Variants in HROB observed in about 807,000 individuals in gnomAD.
HROB encodes the protein homologous recombination OB-fold protein.
Under a neutral mutation model 61.0 loss-of-function variants are expected in HROB, and 44 were observed. The observed-to-expected ratio is 0.72, with a 90% CI of 0.57 to 0.93. The LOEUF is 0.93. Ranked by LOEUF, HROB falls within the 40% of genes least tolerant of loss-of-function variation. HROB has a pLI of 0.00. For synonymous variants in HROB, 301 were observed against 310.4 expected, an observed-to-expected ratio of 0.97 and a Z score of 0.32; for missense variants, 716 against 796.2, an observed-to-expected ratio of 0.90 and a Z score of 1.21.
At chr17:44,158,731 C>T (rs182522948) in intron 9 of HROB, among the ~76,000 whole-genome samples, 83 of 151,946 alleles carry the variant, frequency 5.5e-4, no homozygotes, top group Admixed American at 1.9e-3. Context: ...CTGCAAGCTC[C>T]GCCTCCCGGG....
At position 44,155,409 on chromosome 17, in the gene HROB, A is replaced by G; in HGVS notation, c.1768A>G (p.Lys590Glu). Residue 590 changes from lysine (K) to glutamate (E), a missense_variant and splice_region_variant, in exon 8 of 10, where the codon AAG (lysine) becomes GAG (glutamate). By Grantham distance (56) the Lys-to-Glu change is moderately conservative. Transcript: ENST00000585683. ...SFLKPSQPFP[K>E]DSGSFQHDVA... The stretch of plus-strand genomic sequence containing the variant: ...CCTCAAGCCATCTCAGCCCTTCCCC[A>G]AGGTAAGAGGAGCAGGAAGAAACGG... 6.2e-7 allele frequency: 1 copy of G among 1,613,992 alleles called. No individual in the cohort carries two copies. Among genetic ancestry groups the G allele is most frequent in the Middle Eastern group, 1.6e-4 (1 of 6,062 alleles).
rs1216451311 is a variant in HROB at position 44,148,472 on chromosome 17, G to A, written c.669G>A (p.Met223Ile). Residue 223 changes from methionine to isoleucine, a missense_variant, in exon 3 of 10, where the codon ATG (methionine) becomes ATA (isoleucine). Coordinates refer to ENST00000585683, the MANE Select transcript of HROB (RefSeq NM_001171251.3). ...CTGCCATCCACAAAGCGGGTATCAT[G>A]TCCGCCCAGGATGAGTCTCTAGATC... ...PVPAIHKAGI[M>I]SAQDESLDPV... is the part of the protein sequence containing the mutation. 5 of 1,614,146 alleles carry A rather than the reference G, an allele frequency of 3.1e-6. No individual in the cohort carries two copies. In the African/African-American group the frequency reaches 4.0e-5, roughly 13 times the overall value.
intron 1 of HROB, 81 bp downstream of exon 1, chr17:44,142,226 C>A: frequency 7.2e-7 from 1 of 1,381,168 alleles, no homozygotes; most frequent in Admixed American, 3.3e-5. Flanking sequence ...TCCAGCCCCT[C>A]GCCCGCGCAA....
At chr17:44,142,214 G>T in intron 1 of HROB, 69 bp downstream of exon 1, 2 of 1,405,062 alleles carry the variant, frequency 1.4e-6, no homozygotes, top group South Asian at 3.0e-5. Flanking sequence ...TGCTCATGGG[G>T]TTCCAGCCCC....
chr17:44,154,827 A>G, intron 6 of HROB, 26 bp from the exon 7 acceptor site: 1 of 1,613,458 alleles, frequency 6.2e-7, no homozygotes, highest in Non-Finnish European at 8.5e-7. Flanking sequence ...TGACCCCGAG[A>G]CTGATGGGCC....
rs1370781143 is a variant in HROB, at chr17:44,162,003, G to A, written c.*71G>A. ...GCATGTGTCTGGTCACATCCAAGGG[G>A]GAGAAGAAGGCCAGCATGATTGGAG... On this transcript the variant is annotated 3_prime_UTR_variant, in exon 10 of 10. Coordinates refer to ENST00000585683, the MANE Select transcript of HROB (RefSeq NM_001171251.3). 3.3e-5 allele frequency: 50 copies of A among 1,510,034 alleles called. No individual in the cohort carries two copies. The highest frequency in any genetic ancestry group is 4.2e-5 in the Non-Finnish European group (46 of 1,089,380). 93.5% of individuals were successfully genotyped at this position (1,510,034 alleles called of 1,614,324 possible).
intron 9 of HROB, among the ~76,000 whole-genome samples, chr17:44,159,279 A>G (rs2054061501): frequency 6.6e-6 from 1 of 152,216 alleles, no homozygotes; most frequent in African/African-American, 2.4e-5. Context: ...ATGATTATAT[A>G]TGGATATTAC....
At chr17:44,154,453 T>C (rs780221485) in intron 5 of HROB, 103 bp from the exon 6 acceptor site, 20 of 1,023,894 alleles carry the variant, frequency 2.0e-5, no homozygotes, top group Non-Finnish European at 2.9e-5. Flanking sequence ...ACTATAACTA[T>C]ACTCTGACCC....
Position 44,155,307 on chromosome 17 carries a change from C to G in HROB, c.1666C>G (p.Leu556Val). ...CCAGATTGGAGTGTTTTCTCCTTCA[C>G]TTCGAAATCACTACCTCAACGTGAC... ...LKQIGVFSPS[L>V]RNHYLNVTPN... Residue 556 changes from leucine (L) to valine (V), a missense_variant, in exon 8 of 10, where the codon CTT becomes GTT. Coordinates refer to ENST00000585683, the MANE Select transcript of HROB (RefSeq NM_001171251.3). 6.2e-7 allele frequency: 1 copy of G among 1,614,190 alleles called. No individual in the cohort carries two copies. The highest frequency in any genetic ancestry group is 8.5e-7 in the Non-Finnish European group (1 of 1,180,038).
At chr17:44,151,203 A>G (rs1294285169) in intron 4 of HROB, among the ~76,000 whole-genome samples, 159 bp downstream of exon 4, 3 of 152,122 alleles carry the variant, frequency 2.0e-5, no homozygotes, top group Non-Finnish European at 1.5e-5. Flanking sequence ...GGAGGCAGCA[A>G]TTTTACTGGC....
intron 2 of HROB, among the ~76,000 whole-genome samples, chr17:44,147,048 T>A (rs72822667): frequency 0.031 from 4,691 of 149,276 alleles, 111 homozygotes; most frequent in East Asian, 0.068. Context: ...TGTGTGTGTG[T>A]GAGAGAGAGA....
chr17:44,144,105 G>A (rs1251982176), intron 1 of HROB, among the ~76,000 whole-genome samples: 1 of 149,496 alleles, frequency 6.7e-6, no homozygotes, highest in East Asian at 2.0e-4. Flanking sequence ...AGCCTTCCAA[G>A]TAGCTGAGAT....
intron 3 of HROB, 98 bp from the exon 4 acceptor site, chr17:44,150,863 T>C (rs2053781200): frequency 3.0e-6 from 3 of 1,006,260 alleles, no homozygotes; most frequent in Non-Finnish European, 4.6e-6. Flanking sequence ...TAGTCCCTGA[T>C]CATTTCCTGA....
At chr17:44,155,148 A>G in intron 7 of HROB, 138 bp from the exon 8 acceptor site, 1 of 1,380,886 alleles carries the variant, frequency 7.2e-7, no homozygotes, top group African/African-American at 1.4e-5. Flanking sequence ...TGTTAAGGGG[A>G]GATTGTGGCA....
chr17:44,148,500 G>T lies in HROB; in HGVS notation c.697G>T (p.Val233Phe), dbSNP rs575989228. The change falls in exon 3 of 10, where the codon GTC becomes TTC. Residue 233 changes from valine to phenylalanine, a missense_variant. Coordinates refer to ENST00000585683, the MANE Select transcript of HROB (RefSeq NM_001171251.3). ...CGCCCAGGATGAGTCTCTAGATCCT[G>T]TCATCCAATGTAGGACTCCACGACC... is the stretch of plus-strand genomic sequence containing the variant. ...MSAQDESLDP[V>F]IQCRTPRPPL... 2.1e-5 allele frequency: 34 copies of T among 1,614,120 alleles called. No individual in the cohort carries two copies. In the Admixed American group the frequency reaches 2.8e-4, roughly 13 times the overall value.
rs2054156889 is a variant in HROB at position 44,162,019 on chromosome 17, A to G, written c.*87A>G. 1.7e-5 allele frequency: 25 copies of G among 1,456,822 alleles called. No individual in the cohort carries two copies. The highest frequency in any genetic ancestry group is 2.4e-5 in the Non-Finnish European group (25 of 1,045,774). 90.2% of individuals were successfully genotyped at this position (1,456,822 alleles called of 1,614,324 possible). ...ATCCAAGGGGGAGAAGAAGGCCAGCATGATTGGAGAGTGGACACAGCCGGG... is the reference window on the plus strand; with the variant it reads ...ATCCAAGGGGGAGAAGAAGGCCAGCGTGATTGGAGAGTGGACACAGCCGGG... On this transcript the variant is annotated 3_prime_UTR_variant, in exon 10 of 10. Coordinates refer to ENST00000585683, the MANE Select transcript of HROB (RefSeq NM_001171251.3).
At chr17:44,159,752 C>T (rs1301391279) in intron 9 of HROB, among the ~76,000 whole-genome samples, 2 of 152,220 alleles carry the variant, frequency 1.3e-5, no homozygotes, top group African/African-American at 4.8e-5. Context: ...TTTTTCTGTG[C>T]ACTTATCAGA....
At chr17:44,150,788 G>T (rs534254172) in intron 3 of HROB, among the ~76,000 whole-genome samples, 173 bp from the exon 4 acceptor site, 1 of 152,304 alleles carries the variant, frequency 6.6e-6, no homozygotes, top group East Asian at 1.9e-4. Flanking sequence ...AATCCCCAAA[G>T]TATCTTTTTT....
rs1156855939 is a variant in HROB at position 44,142,466 on chromosome 17, C to CTTT, written c.3+338_3+340dup. 1.5e-4 allele frequency among the ~76,000 whole-genome samples: 20 copies of CTTT among 137,854 alleles called. 5 individuals carry two copies. Among genetic ancestry groups the CTTT allele is most frequent in the South Asian group, 2.3e-4 (1 of 4,304 alleles). 90.4% of individuals were successfully genotyped at this position (137,854 alleles called of 152,430 possible). On this transcript the variant is annotated intron_variant, in intron 1 of 9. Transcript: ENST00000585683. Reference sequence around the variant, plus strand: ...TCCCCTCCCCGCCCCACACTTTCTACTTTTTTTTTTTTTTTTTTTGGACGA... The same window carrying CTTT: ...TCCCCTCCCCGCCCCACACTTTCTACTTTTTTTTTTTTTTTTTTTTTTGGACGA...
Sources: gnomAD v4.1 joint callset for allele counts (sites outside exome capture counted in the v4.1 genomes callset) on GRCh38, gnomAD v4.1.1 for gene constraint, MANE v1.5 for transcripts, NCBI Gene and HGNC (gene_info 2026-07-23, HGNC 2026-07-21) for gene names.